The following SLC6A13 variants were observed in gnomAD, a reference collection of about 807,000 sequenced individuals.
The protein encoded by SLC6A13 is solute carrier family 6 member 13, also known as sodium- and chloride-dependent GABA transporter 2.
Under a neutral mutation model 72.9 loss-of-function variants are expected in SLC6A13, and 69 were observed. The ratio of observed to expected loss-of-function variants is 0.95; its 90% confidence interval spans 0.78 to 1.16. The LOEUF is 1.16. Among genes scored for constraint, SLC6A13 ranks in the 50% most tolerant of loss-of-function variants. The pLI, the probability that SLC6A13 is intolerant of heterozygous loss-of-function variation, is 0.00. For missense variants in SLC6A13, 735 were observed against 760.5 expected, an observed-to-expected ratio of 0.97 and a Z score of 0.39; for synonymous variants, 303 against 303.0, an observed-to-expected ratio of 1.00 and a Z score of 0.00.
At chr12:249,233 TAAGAAAAA>T (rs1942458801) in intron 2 of SLC6A13, among the ~76,000 whole-genome samples, 1 of 151,622 alleles carries the variant, frequency 6.6e-6, no homozygotes, top group African/African-American at 2.4e-5. Context: ...AGGGTGTAGT[TAAGAAAAA>T]AAGAAAGAAA....
intron 6 of SLC6A13, among the ~76,000 whole-genome samples, chr12:236,715 G>A (rs2137283891): frequency 6.6e-6 from 1 of 152,352 alleles, no homozygotes; most frequent in South Asian, 2.1e-4. Context: ...GCCAGATTAG[G>A]AGAGGCCCCC....
rs749076542 is a variant in SLC6A13 at position 259,885 on chromosome 12, C to A, written c.168G>T (p.Trp56Cys). ...TTTTGTAGCAGAGATAGGGAAACCTCCAGACGTTGCCTAAGCCAATGATCT... is the reference window on the plus strand; with the variant it reads ...TTTTGTAGCAGAGATAGGGAAACCTACAGACGTTGCCTAAGCCAATGATCT... ...AGEIIGLGNV[W>C]RFPYLCYKNG... The change falls in exon 2 of 15, where the codon TGG (tryptophan) becomes TGT (cysteine). Residue 56 changes from tryptophan (W) to cysteine (C), a missense_variant. By Grantham distance (215) the Trp-to-Cys change is radical. Transcript: ENST00000343164. 1 of 1,614,210 alleles carries A rather than the reference C, an allele frequency of 6.2e-7. No individual in the cohort carries two copies. Among genetic ancestry groups the A allele is most frequent in the Non-Finnish European group, 8.5e-7 (1 of 1,180,032 alleles).
chr12:232,463 A>G (rs1157986866), intron 7 of SLC6A13, among the ~76,000 whole-genome samples: 1 of 152,200 alleles, frequency 6.6e-6, no homozygotes, highest in Non-Finnish European at 1.5e-5. Context: ...CTGTGGTCCC[A>G]GATAAGTCAA....
chr12:250,642 G>C (rs1942499789), intron 2 of SLC6A13, among the ~76,000 whole-genome samples: 1 of 151,946 alleles, frequency 6.6e-6, no homozygotes, highest in South Asian at 2.1e-4. Flanking sequence ...AATTAATGAA[G>C]AGCTAAATAA....
chr12:235,422 G>A (rs536079857), intron 6 of SLC6A13, among the ~76,000 whole-genome samples, 198 bp from the exon 7 acceptor site: 4 of 152,276 alleles, frequency 2.6e-5, no homozygotes, highest in South Asian at 2.1e-4. Context: ...CTGGAGCCAC[G>A]GCAGAGGAAC....
At chr12:250,530 C>A (rs145006269) in intron 2 of SLC6A13, among the ~76,000 whole-genome samples, 1 of 151,898 alleles carries the variant, frequency 6.6e-6, no homozygotes, top group Non-Finnish European at 1.5e-5. Context: ...GGAAATAATA[C>A]CATTTACAAT....
intron 11 of SLC6A13, chr12:223,654 T>C: frequency 2.9e-6 from 1 of 340,478 alleles, no homozygotes; most frequent in South Asian, 4.4e-5. Context: ...TTTCTCGCTT[T>C]GAAGTTTGTA....
chr12:224,320 T>G (rs1169765607), intron 10 of SLC6A13, 81 bp downstream of exon 10: 1 of 1,378,736 alleles, frequency 7.3e-7, no homozygotes, highest in Admixed American at 1.7e-5. Context: ...CATCCACTTC[T>G]GACATTCACC....
In SLC6A13 at chr12:223,136, AACCCAAGCC is replaced by A; in HGVS notation, c.1401_1409del (p.Ala468_Val470del). Reference sequence around the variant, plus strand: ...CCTAGGGGAGGAGTCACTCACCGTAAACCCAAGCCACACAGAGGGACTCGAAGATGGCCA... The same window carrying A: ...CCTAGGGGAGGAGTCACTCACCGTAAACACAGAGGGACTCGAAGATGGCCA... On this transcript the variant is annotated inframe_deletion, in exon 12 of 15. Transcript: ENST00000343164. The A allele has an allele frequency of 6.2e-7, 1 of 1,608,036 alleles. No homozygotes were observed. Among genetic ancestry groups the A allele is most frequent in the Non-Finnish European group, 8.5e-7 (1 of 1,174,544 alleles).
At chr12:260,697 C>T (rs986962062) in intron 1 of SLC6A13, among the ~76,000 whole-genome samples, 17 of 152,076 alleles carry the variant, frequency 1.1e-4, no homozygotes, top group Non-Finnish European at 2.1e-4. Context: ...ACAAGTATAT[C>T]GGCACAAAAG....
At chr12:245,019 G>C (rs1203468827) in intron 2 of SLC6A13, among the ~76,000 whole-genome samples, 1 of 152,180 alleles carries the variant, frequency 6.6e-6, no homozygotes, top group Non-Finnish European at 1.5e-5. Flanking sequence ...TGGCAAAGTG[G>C]ACAGCACAGT....
chr12:261,411 C>A (rs1942922406), intron 1 of SLC6A13, among the ~76,000 whole-genome samples: 1 of 152,224 alleles, frequency 6.6e-6, no homozygotes, highest in Non-Finnish European at 1.5e-5. Flanking sequence ...TCTTTCAGTT[C>A]CATCCCTTTG....
intron 7 of SLC6A13, among the ~76,000 whole-genome samples, chr12:229,573 A>T (rs914522515): frequency 6.6e-6 from 1 of 152,202 alleles, no homozygotes; most frequent in Admixed American, 6.5e-5. Context: ...CCAGGGTCAG[A>T]GGTGTAAGGG....
chr12:222,474 C>T, intron 13 of SLC6A13, 58 bp downstream of exon 13: 1 of 1,108,666 alleles, frequency 9.0e-7, no homozygotes, highest in Non-Finnish European at 1.3e-6. Context: ...CTTCTCTACC[C>T]CTGCTAGCCA....
At chr12:244,795 G>C (rs149913915) in intron 2 of SLC6A13, among the ~76,000 whole-genome samples, 1 of 152,312 alleles carries the variant, frequency 6.6e-6, no homozygotes, top group African/African-American at 2.4e-5. Context: ...CCTCACCAGA[G>C]GTGGACTGCT....
intron 7 of SLC6A13, among the ~76,000 whole-genome samples, chr12:233,148 GAGGAGCTCT>G (rs1244149669): frequency 6.6e-6 from 1 of 152,226 alleles, no homozygotes; most frequent in Non-Finnish European, 1.5e-5. Flanking sequence ...GCAACAAGAG[GAGGAGCTCT>G]AGGTTGCACA....
rs147958779 is a variant in SLC6A13, at chr12:220,947, C to G, written c.*1G>C. On this transcript the variant is annotated 3_prime_UTR_variant, in exon 15 of 15. Transcript: ENST00000343164. ...ACAGGCACCATCCAAGGGCCTGCCC[C>G]CTAGCAGTGAGACTCTAGCTCTGTG... 2.5e-6 allele frequency: 4 copies of G among 1,612,314 alleles called. No homozygotes were observed. Among genetic ancestry groups the G allele is most frequent in the Non-Finnish European group, 3.4e-6 (4 of 1,179,920 alleles).
intron 7 of SLC6A13, among the ~76,000 whole-genome samples, chr12:229,360 T>G (rs1405328192): frequency 1.3e-5 from 2 of 152,200 alleles, no homozygotes; most frequent in Admixed American, 6.5e-5. Flanking sequence ...GTTTGCTCCT[T>G]CAAGATGTTC....
chr12:237,202 T>G lies in SLC6A13; in HGVS notation c.652A>C (p.Ile218Leu), dbSNP rs150359005. The change falls in exon 6 of 15, where the codon ATC becomes CTC. Residue 218 changes from isoleucine (I) to leucine (L), a missense_variant. Physicochemically the swap from Ile to Leu is conservative, Grantham distance 5. Transcript: ENST00000343164. The part of the protein sequence containing the change: ...LALCLLLAWV[I>L]CYFCIWKGVK... ...CCCTTCCAGATGCAGAAGTAGCAGA[T>G]GACCCAGGCCAGCAGGAGGCACAGA... The G allele has an allele frequency of 1.3e-5, 21 of 1,613,944 alleles. No homozygotes were observed. Among genetic ancestry groups the G allele is most frequent in the Non-Finnish European group, 1.7e-5 (20 of 1,179,966 alleles).
Sources: gnomAD v4.1 joint callset for allele counts (sites outside exome capture counted in the v4.1 genomes callset) on GRCh38, gnomAD v4.1.1 for gene constraint, MANE v1.5 for transcripts, NCBI Gene and HGNC (gene_info 2026-07-23, HGNC 2026-07-21) for gene names.